Variants in MS4A13 observed in about 807,000 individuals in gnomAD.
MS4A13 encodes membrane spanning 4-domains A13.
A neutral mutation model predicts 18.4 loss-of-function variants in MS4A13; 21 were observed. That is an observed-to-expected ratio of 1.14 (90% CI 0.81 to 1.64). The LOEUF is 1.64. MS4A13 is among the 40% of genes most tolerant of loss of function. The probability of loss-of-function intolerance (pLI) is 0.00; values close to 1 mark genes in which losing one functional copy is unlikely to be tolerated. For missense variants in MS4A13, 173 were observed against 176.8 expected, an observed-to-expected ratio of 0.98 and a Z score of 0.12; for synonymous variants, 62 against 57.2, an observed-to-expected ratio of 1.08 and a Z score of -0.38.
At chr11:60,538,752 C>G (rs1325842841) in intron 6 of MS4A13, among the ~76,000 whole-genome samples, 3 of 141,862 alleles carry the variant, frequency 2.1e-5, no homozygotes, top group Non-Finnish European at 4.6e-5. Flanking sequence ...CATGACACAG[C>G]AAAAAGGAAA....
intron 6 of MS4A13, among the ~76,000 whole-genome samples, chr11:60,540,386 A>G (rs2135273438): frequency 6.6e-6 from 1 of 152,342 alleles, no homozygotes; most frequent in African/African-American, 2.4e-5. Flanking sequence ...ATAAGATTAT[A>G]AAAGCAGTAA....
Position 60,522,239 on chromosome 11 carries a change from G to GGTGTATATATATATATATCTATAT in MS4A13, c.130-1658_130-1657insGTGTATATATATATATATCTATAT, listed in dbSNP as rs1555023678. ...AGATAGATAGATAGATAGATAGATA[G>GGTGTATATATATATATATCTATAT]ATGTATATATATAGATATATACACA... On this transcript the variant is annotated intron_variant, in intron 3 of 6. Transcript: ENST00000378186. 6.4e-4 allele frequency among the ~76,000 whole-genome samples: 86 copies of GGTGTATATATATATATATCTATAT among 133,888 alleles called. 1 individual carries two copies. Among genetic ancestry groups the GGTGTATATATATATATATCTATAT allele is most frequent in the African/African-American group, 2.4e-3 (84 of 35,326 alleles). 87.8% of individuals were successfully genotyped at this position (133,888 alleles called of 152,430 possible).
intron 2 of MS4A13, among the ~76,000 whole-genome samples, 162 bp downstream of exon 2, chr11:60,516,246 A>C (rs990656415): frequency 1.3e-5 from 2 of 151,766 alleles, no homozygotes; most frequent in African/African-American, 2.4e-5. Context: ...GACTGATCTC[A>C]TGTTCCTTCA....
intron 6 of MS4A13, among the ~76,000 whole-genome samples, chr11:60,540,674 G>A (rs759957073): frequency 6.6e-6 from 1 of 152,236 alleles, no homozygotes; most frequent in Non-Finnish European, 1.5e-5. Flanking sequence ...GGCCAGGCTT[G>A]GTTGGTTAAC....
chr11:60,519,471 T>A (rs1157198469), intron 3 of MS4A13, among the ~76,000 whole-genome samples: 1 of 151,794 alleles, frequency 6.6e-6, no homozygotes, highest in Non-Finnish European at 1.5e-5. Context: ...TGAGCTGAGA[T>A]TGAGTATGGG....
At chr11:60,528,820 C>T (rs2086739320) in intron 5 of MS4A13, among the ~76,000 whole-genome samples, 1 of 152,194 alleles carries the variant, frequency 6.6e-6, no homozygotes, top group Non-Finnish European at 1.5e-5. Flanking sequence ...TCCCAGCAGT[C>T]ACAATCACCT....
intron 3 of MS4A13, among the ~76,000 whole-genome samples, chr11:60,520,179 G>A (rs962545916): frequency 3.3e-5 from 5 of 152,068 alleles, no homozygotes; most frequent in South Asian, 2.1e-4. Flanking sequence ...GGGGGGTGGC[G>A]AGTCATTCCC....
chr11:60,528,454 T>C (rs2086736163), intron 5 of MS4A13, among the ~76,000 whole-genome samples: 1 of 152,218 alleles, frequency 6.6e-6, no homozygotes. Context: ...CCATTTTTTA[T>C]GGTACCTTAT....
At chr11:60,524,113 A>G (rs1433860625) in intron 4 of MS4A13, among the ~76,000 whole-genome samples, 160 bp downstream of exon 4, 2 of 152,186 alleles carry the variant, frequency 1.3e-5, no homozygotes, top group Non-Finnish European at 2.9e-5. Flanking sequence ...AATTTAATAT[A>G]GACAAATATA....
chr11:60,523,364 G>A (rs1269052608), intron 3 of MS4A13, among the ~76,000 whole-genome samples: 1 of 152,024 alleles, frequency 6.6e-6, no homozygotes, highest in Non-Finnish European at 1.5e-5. Context: ...ATGAAATAAT[G>A]GAACCTCTGT....
At chr11:60,528,515 G>A (rs2086736629) in intron 5 of MS4A13, among the ~76,000 whole-genome samples, 1 of 152,156 alleles carries the variant, frequency 6.6e-6, no homozygotes, top group Non-Finnish European at 1.5e-5. Context: ...AAATCAGGAA[G>A]TTATGTGTCA....
chr11:60,529,085 A>G (rs558028823), intron 5 of MS4A13, among the ~76,000 whole-genome samples: 1 of 152,318 alleles, frequency 6.6e-6, no homozygotes, highest in South Asian at 2.1e-4. Flanking sequence ...GCGACTCTGT[A>G]AAAGCTGTCA....
intron 6 of MS4A13, among the ~76,000 whole-genome samples, chr11:60,539,212 A>G (rs891230331): frequency 1.3e-5 from 2 of 150,734 alleles, no homozygotes; most frequent in Non-Finnish European, 3.0e-5. Flanking sequence ...AAAAAAATTT[A>G]GTAAAGTAAA....
intron 3 of MS4A13, among the ~76,000 whole-genome samples, chr11:60,522,853 C>A (rs922873298): frequency 1.3e-5 from 2 of 152,106 alleles, no homozygotes; most frequent in Non-Finnish European, 2.9e-5. Flanking sequence ...ATAAATGATG[C>A]ATTTTCCTTA....
chr11:60,540,229 A>C (rs757051442), intron 6 of MS4A13, among the ~76,000 whole-genome samples: 1 of 152,224 alleles, frequency 6.6e-6, no homozygotes, highest in Non-Finnish European at 1.5e-5. Flanking sequence ...AAGTATTCAT[A>C]GACAATACAT....
At chr11:60,521,607 C>T (rs1054264700) in intron 3 of MS4A13, among the ~76,000 whole-genome samples, 1 of 152,328 alleles carries the variant, frequency 6.6e-6, no homozygotes, top group East Asian at 1.9e-4. Flanking sequence ...TCTGAGACCA[C>T]CTCAGCCTTG....
intron 6 of MS4A13, among the ~76,000 whole-genome samples, chr11:60,538,143 A>T (rs1192261458): frequency 6.7e-6 from 1 of 149,208 alleles, no homozygotes; most frequent in African/African-American, 2.5e-5. Flanking sequence ...TAACCTGCAC[A>T]ATGTGCACAT....
intron 6 of MS4A13, among the ~76,000 whole-genome samples, chr11:60,539,421 A>G (rs183962618): frequency 6.6e-6 from 1 of 152,130 alleles, no homozygotes; most frequent in East Asian, 1.9e-4. Context: ...AGCAAAAAAG[A>G]TATTGCCCAG....
Position 60,531,687 on chromosome 11 carries a change from G to A in MS4A13, c.402+2227G>A, listed in dbSNP as rs568628176. Reference sequence around the variant, plus strand: ...CTAGAAGTTCAAGATCAAGGTGTTGGCAGGGTTAGTTTCTTCTGAGGCATC... The same window carrying A: ...CTAGAAGTTCAAGATCAAGGTGTTGACAGGGTTAGTTTCTTCTGAGGCATC... On this transcript the variant is annotated intron_variant, in intron 6 of 6. Coordinates refer to ENST00000378186, the MANE Select transcript of MS4A13 (RefSeq NM_001012417.3). Among the ~76,000 whole-genome samples, 5 of 152,268 alleles carry A rather than the reference G, an allele frequency of 3.3e-5. No individual in the cohort carries two copies. The South Asian group carries it at 1.0e-3, about 32-fold the overall frequency.
Sources: allele counts gnomAD v4.1 joint callset (sites outside exome capture counted in the v4.1 genomes callset), GRCh38; gene constraint gnomAD v4.1.1; transcripts MANE v1.5; gene names NCBI Gene and HGNC (gene_info 2026-07-23, HGNC 2026-07-21).